BCL2: variants seen among roughly 807,000 people sequenced by gnomAD.
The protein encoded by BCL2 is BCL2 apoptosis regulator.
A neutral mutation model predicts 14.2 loss-of-function variants in BCL2; 1 was observed. That is an observed-to-expected ratio of 0.07 (90% CI 0.02 to 0.33). BCL2 has a LOEUF of 0.33. Ranked by LOEUF, BCL2 falls within the 10% of genes least tolerant of loss-of-function variation. The probability of loss-of-function intolerance (pLI) is 0.99; values close to 1 mark genes in which losing one functional copy is unlikely to be tolerated. For missense variants in BCL2, 247 were observed against 305.9 expected (o/e 0.81, Z 1.44); for synonymous variants, 151 against 137.2 (o/e 1.10, Z -0.70).
intron 2 of BCL2, among the ~76,000 whole-genome samples, chr18:63,169,299 TCTTTCTTTCTTC>T (rs767709038): frequency 0.053 from 4,539 of 86,046 alleles, 371 homozygotes; most frequent in Middle Eastern, 0.094. Flanking sequence ...TTTCTTTCTT[TCTTTCTTTCTTC>T]CTTCCTTCCT....
At chr18:63,222,002 C>T (rs535482508) in intron 2 of BCL2, among the ~76,000 whole-genome samples, 34 of 152,156 alleles carry the variant, frequency 2.2e-4, no homozygotes, top group African/African-American at 3.1e-4. Context: ...GAAAAGAGGC[C>T]GGGCATGGCA....
intron 2 of BCL2, among the ~76,000 whole-genome samples, chr18:63,219,989 G>A (rs566858683): frequency 1.3e-5 from 2 of 152,282 alleles, no homozygotes; most frequent in Admixed American, 6.5e-5. Flanking sequence ...CCAGAAGACA[G>A]AGTGGTTGAT....
In BCL2 at chr18:63,299,852, G is replaced by A. The variant is rs182813576; in HGVS notation, c.585+18230C>T. On this transcript the variant is annotated intron_variant, in intron 2 of 2. Transcript: ENST00000333681. ...GAACAAACTCTTATGTATCCTTCAA[G>A]CCCAGGCCAAACGGCACCTTCTCTG... 6.3e-5 allele frequency among the ~76,000 whole-genome samples: 9 copies of A among 142,496 alleles called. No homozygotes were observed. In the East Asian group the frequency reaches 8.1e-4, roughly 13 times the overall value. 93.5% of individuals were successfully genotyped at this position (142,496 alleles called of 152,430 possible). A position where few individuals can be genotyped will look rare whatever the true frequency, so the allele number is the denominator to read the frequency against.
intron 2 of BCL2, among the ~76,000 whole-genome samples, chr18:63,183,047 A>T (rs550788795): frequency 6.6e-6 from 1 of 152,338 alleles, no homozygotes; most frequent in Admixed American, 6.5e-5. Context: ...CTGTCAATGC[A>T]CAAATGAGCA....
intron 2 of BCL2, among the ~76,000 whole-genome samples, 159 bp from the exon 3 acceptor site, chr18:63,128,918 G>A (rs1220853126): frequency 6.6e-6 from 1 of 152,224 alleles, no homozygotes; most frequent in Non-Finnish European, 1.5e-5. Flanking sequence ...CCATGATTCA[G>A]AAACCACTGT....
intron 2 of BCL2, among the ~76,000 whole-genome samples, chr18:63,234,759 TTTAC>T (rs1306713101): frequency 1.3e-5 from 2 of 152,214 alleles, no homozygotes; most frequent in African/African-American, 2.4e-5. Context: ...CCTTAGTCAA[TTTAC>T]TTAAACTCTC....
chr18:63,144,951 C>A (rs1196325793), intron 2 of BCL2, among the ~76,000 whole-genome samples: 2 of 152,252 alleles, frequency 1.3e-5, no homozygotes, highest in Non-Finnish European at 2.9e-5. Context: ...AAGCCCTTGA[C>A]TGTGGTCTGG....
At chr18:63,310,406 C>T (rs1330009681) in intron 2 of BCL2, among the ~76,000 whole-genome samples, 1 of 152,200 alleles carries the variant, frequency 6.6e-6, no homozygotes, top group East Asian at 1.9e-4. Flanking sequence ...AAGACCCTCT[C>T]CCCGTATCGC....
At chr18:63,237,172 G>C (rs772738898) in intron 2 of BCL2, among the ~76,000 whole-genome samples, 1 of 152,104 alleles carries the variant, frequency 6.6e-6, no homozygotes, top group Non-Finnish European at 1.5e-5. Context: ...CCCGGGGACT[G>C]TGGTATGGAG....
chr18:63,134,864 T>C (rs1038645504), intron 2 of BCL2, among the ~76,000 whole-genome samples: 4 of 152,224 alleles, frequency 2.6e-5, no homozygotes, highest in African/African-American at 9.6e-5. Flanking sequence ...ATGACTTTGA[T>C]ATTTTCTATT....
rs1914601945 is a variant in BCL2 at position 63,149,738 on chromosome 18, T to G, written c.586-20979A>C. On this transcript the variant is annotated intron_variant, in intron 2 of 2. Coordinates refer to ENST00000333681, the MANE Select transcript of BCL2 (RefSeq NM_000633.3). This position sits in a 1 kb window ranked among gnomAD's most constrained non-coding sequence, Gnocchi z 4.2. ...GATTAACAGTGAAGAAGAGAGGAGA[T>G]GTCACTAATAATATTGATTTTTAAC... Among the ~76,000 whole-genome samples, 1 of 152,182 alleles carries G rather than the reference T, an allele frequency of 6.6e-6. No homozygotes were observed. Among genetic ancestry groups the G allele is most frequent in the Non-Finnish European group, 1.5e-5 (1 of 68,024 alleles).
chr18:63,151,547 GGGA>G (rs1722487617), intron 2 of BCL2, among the ~76,000 whole-genome samples: 1 of 148,210 alleles, frequency 6.7e-6, no homozygotes, highest in Non-Finnish European at 1.5e-5. Flanking sequence ...AGGCTACAGG[GGGA>G]GGATAAATGT....
intron 2 of BCL2, among the ~76,000 whole-genome samples, chr18:63,146,804 A>C (rs1420939490): frequency 6.6e-6 from 1 of 152,170 alleles, no homozygotes; most frequent in African/African-American, 2.4e-5. Context: ...GGTTTTAAGA[A>C]ATTTTTGATC....
chr18:63,310,587 A>G (rs1380879823), intron 2 of BCL2, among the ~76,000 whole-genome samples: 3 of 152,190 alleles, frequency 2.0e-5, no homozygotes, highest in African/African-American at 7.2e-5. Context: ...GGCAAAAGTT[A>G]TCTTAGACAT....
At chr18:63,198,203 C>T (rs1234160281) in intron 2 of BCL2, among the ~76,000 whole-genome samples, 2 of 151,690 alleles carry the variant, frequency 1.3e-5, no homozygotes, top group Non-Finnish European at 2.9e-5. Flanking sequence ...CACAGAGACA[C>T]ACACAGACAC....
In BCL2 at chr18:63,249,872, T is replaced by C. The variant is rs539881664; in HGVS notation, c.585+68210A>G. On this transcript the variant is annotated intron_variant, in intron 2 of 2. Transcript: ENST00000333681. ...ACCACTCTCTTCCTCCCCGTCTACTTGGTGAACAGGAATTAGAGGAGCAGG... is the reference window on the plus strand; with the variant it reads ...ACCACTCTCTTCCTCCCCGTCTACTCGGTGAACAGGAATTAGAGGAGCAGG... Among the ~76,000 whole-genome samples, 16 of 152,188 alleles carry C rather than the reference T, an allele frequency of 1.1e-4. No individual in the cohort carries two copies. In the South Asian group the frequency reaches 3.3e-3, roughly 32 times the overall value.
chr18:63,318,109 G>A lies in BCL2; in HGVS notation c.558C>T (p.His186=), dbSNP rs1239648330. The change falls in exon 2 of 3, where the codon CAC becomes CAT. Residue 186 remains histidine, a synonymous_variant. Transcript: ENST00000333681. This position sits in a 1 kb window ranked among gnomAD's most constrained non-coding sequence, Gnocchi z 7.4. ...WMTEYLNRHL[H]TWIQDNGGWD... Reference sequence around the variant, plus strand: ...AGCCTCCGTTATCCTGGATCCAGGTGTGCAGGTGCCGGTTCAGGTACTCAG... The same window carrying A: ...AGCCTCCGTTATCCTGGATCCAGGTATGCAGGTGCCGGTTCAGGTACTCAG... 1 of 1,614,094 alleles carries A rather than the reference G, an allele frequency of 6.2e-7. No individual in the cohort carries two copies. The highest frequency in any genetic ancestry group is 1.7e-5 in the Admixed American group (1 of 60,022).
At chr18:63,252,345 T>C (rs1404339294) in intron 2 of BCL2, among the ~76,000 whole-genome samples, 1 of 152,240 alleles carries the variant, frequency 6.6e-6, no homozygotes, top group South Asian at 2.1e-4. Flanking sequence ...TTCCTCACTT[T>C]CTGCATATGT....
chr18:63,292,646 C>A (rs996309682), intron 2 of BCL2, among the ~76,000 whole-genome samples: 4 of 152,216 alleles, frequency 2.6e-5, no homozygotes, highest in African/African-American at 9.6e-5. Flanking sequence ...AATGAAAGAA[C>A]CCTCTTCACC....
Sources: gnomAD v4.1 joint callset for allele counts (sites outside exome capture counted in the v4.1 genomes callset) on GRCh38, gnomAD v4.1.1 for gene constraint, Gnocchi (gnomAD v3.1) non-coding constraint, MANE v1.5 for transcripts, NCBI Gene and HGNC (gene_info 2026-07-23, HGNC 2026-07-21) for gene names.